The following PTBP3 variants were observed in gnomAD, a reference collection of about 807,000 sequenced individuals.
PTBP3 encodes the protein polypyrimidine tract binding protein 3, also known as polypyrimidine tract-binding protein 3.
In PTBP3, 20 loss-of-function variants were observed where a neutral mutation model predicts 58.7. That is an observed-to-expected ratio of 0.34 (90% CI 0.24 to 0.50). The LOEUF (loss-of-function observed/expected upper bound fraction) is 0.50. Ranked by LOEUF, PTBP3 falls within the 20% of genes least tolerant of loss-of-function variation. The pLI, the probability that PTBP3 is intolerant of heterozygous loss-of-function variation, is 0.98. For synonymous variants in PTBP3, 185 were observed against 219.8 expected (o/e 0.84, Z 1.40); for missense variants, 509 against 637.2 (o/e 0.80, Z 2.17).
the PTBP3 span, among the ~76,000 whole-genome samples, chr9:112,378,602 G>A: frequency 6.6e-6 from 1 of 152,252 alleles, no homozygotes; most frequent in African/African-American, 2.4e-5. Flanking sequence ...AAGGATGAGA[G>A]GAGAGTAAGT....
chr9:112,301,967 G>T (rs887667070), intron 1 of PTBP3, among the ~76,000 whole-genome samples: 2 of 152,154 alleles, frequency 1.3e-5, no homozygotes, highest in Admixed American at 6.5e-5. Flanking sequence ...TGGCTTGAGA[G>T]TCCTGCTGTC....
At chr9:112,246,211 G>A (rs763083530) in intron 7 of PTBP3, among the ~76,000 whole-genome samples, 2 of 151,592 alleles carry the variant, frequency 1.3e-5, no homozygotes, top group Admixed American at 6.6e-5. Context: ...TTGAACTCCC[G>A]ACCTCAATTG....
At chr9:112,366,193 T>C in the PTBP3 span, among the ~76,000 whole-genome samples, 4 of 151,508 alleles carry the variant, frequency 2.6e-5, no homozygotes, top group Non-Finnish European at 5.9e-5. Context: ...TAAGGCACAA[T>C]AATTGCTTGA....
At chr9:112,224,035 A>G in intron 13 of PTBP3, 52 bp from the exon 14 acceptor site, 1 of 1,583,308 alleles carries the variant, frequency 6.3e-7, no homozygotes, top group South Asian at 1.1e-5. Context: ...TTTTGCTTCC[A>G]AACTCCTTCC....
Position 112,250,980 on chromosome 9 carries a change from G to A in PTBP3, c.751C>T (p.Pro251Ser). ...AGGGATGGCTGGCCATCACCAGTAG[G>A]AAGGTCTAAGCGAGTGAAGTCTCTG... ...KSRDFTRLDL[P>S]TGDGQPSLEP... is the part of the protein sequence containing the mutation. Residue 251 changes from proline to serine, a missense_variant, in exon 7 of 14, where the codon CCT (proline) becomes TCT (serine). Physicochemically the swap from Pro to Ser is moderately conservative, Grantham distance 74 (BLOSUM62 -1). This residue lies in a region of PTBP3 where 121 missense variants were observed against 114.8 expected (regional missense o/e 1.05). Coordinates refer to ENST00000374257, the MANE Select transcript of PTBP3 (RefSeq NM_001163788.4). 1.2e-6 allele frequency: 2 copies of A among 1,610,846 alleles called. No individual in the cohort carries two copies. Among genetic ancestry groups the A allele is most frequent in the Non-Finnish European group, 1.7e-6 (2 of 1,178,360 alleles).
chr9:112,230,437 AAC>A (rs760126705), intron 10 of PTBP3, among the ~76,000 whole-genome samples: 4 of 152,260 alleles, frequency 2.6e-5, no homozygotes, highest in Admixed American at 6.5e-5. Context: ...ATTCAAACAC[AAC>A]AGTTTTCAAG....
intron 2 of PTBP3, among the ~76,000 whole-genome samples, chr9:112,283,112 T>C (rs1827950154): frequency 1.3e-5 from 2 of 152,222 alleles, no homozygotes; most frequent in African/African-American, 2.4e-5. Context: ...AAACCTCTTT[T>C]CTTTATAAAT....
chr9:112,263,083 C>A (rs142522762), intron 4 of PTBP3, among the ~76,000 whole-genome samples: 4 of 152,030 alleles, frequency 2.6e-5, no homozygotes, highest in Admixed American at 6.6e-5. Flanking sequence ...TGTTTTGGGG[C>A]AGGGGGAGGG....
rs3032061 is a variant in PTBP3 at position 112,280,767 on chromosome 9, A to ATG, written c.35-4756_35-4755dup. On this transcript the variant is annotated intron_variant, in intron 2 of 13. Transcript: ENST00000374257. ...TTCATACGTGTGTGTCTGTGTGTGTATGTGTGTGTGTGTGTGTGCATATAT... is the reference window on the plus strand; with the variant it reads ...TTCATACGTGTGTGTCTGTGTGTGTATGTGTGTGTGTGTGTGTGTGCATATAT... 5.2e-4 allele frequency among the ~76,000 whole-genome samples: 78 copies of ATG among 150,884 alleles called. No homozygotes were observed. The East Asian group carries it at 9.2e-3, about 18-fold the overall frequency.
At chr9:112,303,808 G>A (rs2132343463) in intron 1 of PTBP3, among the ~76,000 whole-genome samples, 1 of 151,408 alleles carries the variant, frequency 6.6e-6, no homozygotes, top group Non-Finnish European at 1.5e-5. Flanking sequence ...AGGTTGCAGT[G>A]AGCCAAGATC....
intron 1 of PTBP3, among the ~76,000 whole-genome samples, chr9:112,328,232 C>T (rs1190936082): frequency 1.3e-5 from 2 of 152,182 alleles, no homozygotes; most frequent in Admixed American, 6.5e-5. Context: ...ATCTTTCACA[C>T]GATCTAGATG....
At chr9:112,365,044 T>C in the PTBP3 span, among the ~76,000 whole-genome samples, 1 of 152,224 alleles carries the variant, frequency 6.6e-6, no homozygotes, top group Non-Finnish European at 1.5e-5. Context: ...ATCATGCCTT[T>C]CTGTGGCTGG....
intron 1 of PTBP3, among the ~76,000 whole-genome samples, chr9:112,316,152 G>C (rs1406386553): frequency 6.6e-6 from 1 of 152,106 alleles, no homozygotes; most frequent in Non-Finnish European, 1.5e-5. Context: ...CTTGTGGCAT[G>C]GTAGGCAGAC....
At chr9:112,300,437 C>A (rs1587857351) in intron 1 of PTBP3, among the ~76,000 whole-genome samples, 1 of 152,338 alleles carries the variant, frequency 6.6e-6, no homozygotes, top group South Asian at 2.1e-4. Flanking sequence ...CCACATAACA[C>A]AGATAAATCT....
chr9:112,271,900 T>C (rs1827401606), intron 3 of PTBP3, among the ~76,000 whole-genome samples: 1 of 152,208 alleles, frequency 6.6e-6, no homozygotes, highest in Non-Finnish European at 1.5e-5. Context: ...TGATTTGATA[T>C]CTGTAGTCAC....
chr9:112,305,545 T>TC (rs1234409617), intron 1 of PTBP3, among the ~76,000 whole-genome samples: 1 of 152,202 alleles, frequency 6.6e-6, no homozygotes, highest in Non-Finnish European at 1.5e-5. Context: ...AAGTAATGTG[T>TC]CCACTCGACA....
chr9:112,315,313 A>G (rs374950185), intron 1 of PTBP3, among the ~76,000 whole-genome samples: 2 of 152,238 alleles, frequency 1.3e-5, no homozygotes, highest in South Asian at 4.1e-4. Context: ...AAAAAAAATC[A>G]GTAACAAAAA....
At chr9:112,357,145 G>A in the PTBP3 span, among the ~76,000 whole-genome samples, 1 of 151,906 alleles carries the variant, frequency 6.6e-6, no homozygotes, top group Non-Finnish European at 1.5e-5. Flanking sequence ...GCCTCCCAAA[G>A]TGTTGAGATT....
intron 5 of PTBP3, among the ~76,000 whole-genome samples, chr9:112,261,551 A>C (rs1172470843): frequency 6.6e-6 from 1 of 152,224 alleles, no homozygotes; most frequent in Non-Finnish European, 1.5e-5. Flanking sequence ...GACTCTGTCA[A>C]ATGAAAATAA....
Sources: gnomAD v4.1 joint callset for allele counts (sites outside exome capture counted in the v4.1 genomes callset) on GRCh38, gnomAD v4.1.1 for gene constraint, gnomAD v4.1.1 regional missense constraint, MANE v1.5 for transcripts, NCBI Gene and HGNC (gene_info 2026-07-23, HGNC 2026-07-21) for gene names.